MCPH1: variants seen among roughly 807,000 people sequenced by gnomAD.
MCPH1 encodes microcephalin.
A neutral mutation model predicts 84.5 loss-of-function variants in MCPH1; 104 were observed. That is an observed-to-expected ratio of 1.23 (90% CI 1.05 to 1.45). MCPH1 has a LOEUF of 1.45. MCPH1 is among the 40% of genes most tolerant of loss of function. The pLI is 0.00. For missense variants in MCPH1, 1,498 were observed against 1,005.7 expected (o/e 1.49, Z -6.62); for synonymous variants, 514 against 366.8 (o/e 1.40, Z -4.58).
At chr8:6,594,976 T>C (rs531749813) in intron 12 of MCPH1, among the ~76,000 whole-genome samples, 1 of 152,346 alleles carries the variant, frequency 6.6e-6, no homozygotes, top group African/African-American at 2.4e-5. Flanking sequence ...AATCTACTTT[T>C]GACTTATGTA....
chr8:6,610,191 T>C (rs1018987459), intron 12 of MCPH1, among the ~76,000 whole-genome samples: 2 of 152,196 alleles, frequency 1.3e-5, no homozygotes, highest in African/African-American at 2.4e-5. Flanking sequence ...TTCTCTTAAA[T>C]AGATGCAGAT....
intron 11 of MCPH1, among the ~76,000 whole-genome samples, chr8:6,486,386 G>C (rs1396286592): frequency 6.6e-6 from 1 of 151,748 alleles, no homozygotes; most frequent in Non-Finnish European, 1.5e-5. Flanking sequence ...TCTTTGGCTA[G>C]CAGTATAAAC....
chr8:6,621,940 C>G (rs966262530), intron 13 of MCPH1, among the ~76,000 whole-genome samples: 19 of 152,216 alleles, frequency 1.2e-4, no homozygotes, highest in African/African-American at 4.6e-4. Context: ...ACTTCCCTGG[C>G]TCGTGTGAAA....
chr8:6,490,779 G>T (rs1810473862), intron 11 of MCPH1, among the ~76,000 whole-genome samples: 1 of 152,072 alleles, frequency 6.6e-6, no homozygotes, highest in Non-Finnish European at 1.5e-5. Context: ...TGAGAATTAT[G>T]TAATGCGGTT....
chr8:6,439,147 A>G (rs770275545), intron 6 of MCPH1, 51 bp downstream of exon 6: 1 of 1,559,426 alleles, frequency 6.4e-7, no homozygotes, highest in East Asian at 2.3e-5. Flanking sequence ...CGATTCAATT[A>G]TGGTGGAAAG....
chr8:6,624,297 G>T (rs1418585583), intron 13 of MCPH1, among the ~76,000 whole-genome samples: 1 of 152,210 alleles, frequency 6.6e-6, no homozygotes, highest in Non-Finnish European at 1.5e-5. Context: ...CACCAATTAT[G>T]CCATCTGCCT....
intron 12 of MCPH1, among the ~76,000 whole-genome samples, chr8:6,604,585 A>G (rs557281807): frequency 4.6e-4 from 70 of 152,372 alleles, no homozygotes; most frequent in African/African-American, 1.6e-3. Context: ...GCTCACTGCA[A>G]TCTCTGCCTT....
rs555472678 is a variant in MCPH1 at position 6,575,838 on chromosome 8, G to A, written c.2215-45616G>A. Among the ~76,000 whole-genome samples the A allele has an allele frequency of 5.3e-5, 8 of 152,224 alleles. No homozygotes were observed. In the East Asian group the frequency reaches 1.5e-3, roughly 29 times the overall value. On this transcript the variant is annotated intron_variant, in intron 12 of 13. Transcript: ENST00000344683. ...GACAGGGTGAAGCTTCTACAAAACA[G>A]GGAACACCAAAGATGAGCAGCCACT...
At position 6,409,283 on chromosome 8, in the gene MCPH1, A is replaced by G. The variant is rs764983568; in HGVS notation, c.27A>G (p.Val9=). The G allele has an allele frequency of 4.3e-6, 7 of 1,611,168 alleles. No homozygotes were observed. In the African/African-American group the frequency reaches 6.7e-5, roughly 15 times the overall value. MAAPILKD[V]VAYVEVWSSN... ...ATGTTCATATCTTGTTTTCAGATGT[A>G]GTGGCCTATGTTGAAGTGTGGTCAT... The change falls in exon 2 of 14, where the codon GTA becomes GTG. Residue 9 remains valine, a synonymous_variant. Transcript: ENST00000344683.
chr8:6,487,709 C>G (rs967803340), intron 11 of MCPH1, among the ~76,000 whole-genome samples: 1 of 152,232 alleles, frequency 6.6e-6, no homozygotes, highest in Non-Finnish European at 1.5e-5. Flanking sequence ...TGACTAGGAT[C>G]TCAGGCCTGG....
chr8:6,456,306 G>A (rs1009936835), intron 9 of MCPH1, among the ~76,000 whole-genome samples: 1 of 152,176 alleles, frequency 6.6e-6, no homozygotes, highest in African/African-American at 2.4e-5. Context: ...TGCGCACTGT[G>A]ACTCCACTGC....
chr8:6,457,227 A>G (rs1053864460), intron 9 of MCPH1, among the ~76,000 whole-genome samples: 1 of 152,206 alleles, frequency 6.6e-6, no homozygotes, highest in African/African-American at 2.4e-5. Flanking sequence ...CTCATAATTT[A>G]GAATGTCATT....
intron 9 of MCPH1, among the ~76,000 whole-genome samples, chr8:6,472,980 T>A (rs1807944647): frequency 6.6e-6 from 1 of 152,198 alleles, no homozygotes; most frequent in African/African-American, 2.4e-5. Flanking sequence ...AGCTCTTTCC[T>A]AAGAGACACG....
intron 12 of MCPH1, among the ~76,000 whole-genome samples, chr8:6,525,052 C>G (rs996327483): frequency 4.6e-5 from 7 of 152,288 alleles, no homozygotes; most frequent in Middle Eastern, 3.4e-3. Flanking sequence ...CTCTCGGGCC[C>G]CTTTTAGTTC....
intron 12 of MCPH1, among the ~76,000 whole-genome samples, chr8:6,546,873 G>T (rs1266182234): frequency 1.3e-5 from 2 of 152,174 alleles, no homozygotes; most frequent in Non-Finnish European, 2.9e-5. Flanking sequence ...AATAAATTGT[G>T]TAAGACCTTC....
At chr8:6,611,510 G>A (rs1043077447) in intron 12 of MCPH1, among the ~76,000 whole-genome samples, 2 of 152,248 alleles carry the variant, frequency 1.3e-5, no homozygotes, top group East Asian at 1.9e-4. Flanking sequence ...ACAGGGCCCG[G>A]GGCCGGGGAG....
chr8:6,635,683 C>A (rs1181868875), intron 13 of MCPH1, among the ~76,000 whole-genome samples: 1 of 152,188 alleles, frequency 6.6e-6, no homozygotes, highest in Non-Finnish European at 1.5e-5. Flanking sequence ...GGTTCTAAGA[C>A]CATTGTTAGT....
At chr8:6,638,741 A>T (rs1292810784) in intron 13 of MCPH1, among the ~76,000 whole-genome samples, 2 of 152,122 alleles carry the variant, frequency 1.3e-5, no homozygotes, top group Non-Finnish European at 2.9e-5. Context: ...TATTCCTATG[A>T]AGTGACATTG....
At chr8:6,487,687 G>A (rs953164704) in intron 11 of MCPH1, among the ~76,000 whole-genome samples, 3 of 152,150 alleles carry the variant, frequency 2.0e-5, no homozygotes, top group Admixed American at 6.5e-5. Context: ...TTTATTGCTC[G>A]CACTTGCAAG....
Sources: allele counts gnomAD v4.1 joint callset (sites outside exome capture counted in the v4.1 genomes callset), GRCh38; gene constraint gnomAD v4.1.1; transcripts MANE v1.5; gene names NCBI Gene and HGNC (gene_info 2026-07-23, HGNC 2026-07-21).